Variants in NINL observed in about 807,000 individuals in gnomAD.
NINL encodes the protein ninein like.
In NINL, 153 loss-of-function variants were observed where a neutral mutation model predicts 160.3. That is an observed-to-expected ratio of 0.95 (90% CI 0.84 to 1.09). The LOEUF (loss-of-function observed/expected upper bound fraction) is 1.09, where lower values mean the gene tolerates loss of function less well. Among genes scored for constraint, NINL ranks in the 50% least tolerant of loss-of-function variants. NINL has a pLI of 0.00. For missense variants in NINL, 1,829 were observed against 1,764.0 expected (o/e 1.04, Z -0.66); for synonymous variants, 800 against 734.8 (o/e 1.09, Z -1.43).
intron 1 of NINL, among the ~76,000 whole-genome samples, chr20:25,537,595 C>T (rs920808985): frequency 3.9e-5 from 6 of 152,166 alleles, no homozygotes; most frequent in South Asian, 2.1e-4. Flanking sequence ...CTGAATTTCA[C>T]GGATGCAGCG....
intron 10 of NINL, among the ~76,000 whole-genome samples, chr20:25,496,394 G>A (rs1486502242): frequency 6.6e-6 from 1 of 152,218 alleles, no homozygotes; most frequent in Non-Finnish European, 1.5e-5. Flanking sequence ...TGTGAGAAGA[G>A]CCCAGCAAAG....
Position 25,453,412 on chromosome 20 carries a change from A to G in NINL, c.*39T>C. The stretch of plus-strand genomic sequence containing the variant: ...AGGCAGCACAGTGGCTTAATTTAAA[A>G]GATGTGCTTTCGAATGAATCCTAGA... On this transcript the variant is annotated 3_prime_UTR_variant, in exon 24 of 24. Coordinates refer to ENST00000278886, the MANE Select transcript of NINL (RefSeq NM_025176.6). The G allele has an allele frequency of 1.3e-6, 2 of 1,542,118 alleles. No individual in the cohort carries two copies. The highest frequency in any genetic ancestry group is 2.3e-5 in the East Asian group (1 of 44,006).
chr20:25,459,391 C>T (rs1396651327), intron 21 of NINL, among the ~76,000 whole-genome samples: 1 of 152,210 alleles, frequency 6.6e-6, no homozygotes, highest in African/African-American at 2.4e-5. Context: ...AAAGCTCACC[C>T]TTCTTCAGGA....
intron 11 of NINL, among the ~76,000 whole-genome samples, chr20:25,490,325 C>T (rs1327643189): frequency 6.6e-6 from 1 of 152,168 alleles, no homozygotes; most frequent in Non-Finnish European, 1.5e-5. Flanking sequence ...CTTTGGGAGG[C>T]CGAGGCGGGC....
At chr20:25,489,485 G>A (rs1162291871) in intron 12 of NINL, among the ~76,000 whole-genome samples, 161 bp from the exon 13 acceptor site, 3 of 151,188 alleles carry the variant, frequency 2.0e-5, no homozygotes, top group South Asian at 2.1e-4. Flanking sequence ...TTACTCCCCC[G>A]TCTAGAAGGT....
intron 3 of NINL, 93 bp from the exon 4 acceptor site, chr20:25,513,099 A>G (rs2064103900): frequency 1.6e-6 from 2 of 1,282,486 alleles, no homozygotes; most frequent in Non-Finnish European, 2.2e-6. Context: ...GTGCACACTC[A>G]GCACCGAGTG....
intron 13 of NINL, among the ~76,000 whole-genome samples, chr20:25,487,427 A>T (rs1391608500): frequency 6.6e-6 from 1 of 152,044 alleles, no homozygotes; most frequent in East Asian, 1.9e-4. Flanking sequence ...CTTCCATGTT[A>T]TTTTCAAGCC....
In NINL at chr20:25,500,946, A is replaced by C; in HGVS notation, c.926T>G (p.Leu309Arg). ...ATCGTCAATGCTGGAGAAGAGGCGC[A>C]GGCTGGAGCACAGGGACACGAGGGA... ...TSSLVSLCSS[L>R]RLFSSIDDGS... Residue 309 changes from leucine to arginine, a missense_variant, in exon 8 of 24, where the codon CTG becomes CGG. By Grantham distance (102) the Leu-to-Arg change is moderately radical. Coordinates refer to ENST00000278886, the MANE Select transcript of NINL (RefSeq NM_025176.6). 6.2e-7 allele frequency: 1 copy of C among 1,614,214 alleles called. No homozygotes were observed. Among genetic ancestry groups the C allele is most frequent in the Non-Finnish European group, 8.5e-7 (1 of 1,180,038 alleles).
intron 2 of NINL, among the ~76,000 whole-genome samples, chr20:25,520,280 G>A (rs1160335197): frequency 6.6e-6 from 1 of 152,064 alleles, no homozygotes; most frequent in African/African-American, 2.4e-5. Context: ...TCAACAGAAG[G>A]GCTATTAGGC....
At chr20:25,494,253 C>T (rs2063702424) in intron 10 of NINL, among the ~76,000 whole-genome samples, 1 of 151,406 alleles carries the variant, frequency 6.6e-6, no homozygotes, top group Non-Finnish European at 1.5e-5. Context: ...ACAGCACTTT[C>T]CACTGCACCC....
intron 20 of NINL, 31 bp from the exon 21 acceptor site, chr20:25,461,666 A>G (rs368670801): frequency 1.1e-4 from 159 of 1,400,770 alleles, no homozygotes; most frequent in Non-Finnish European, 1.5e-4. Context: ...GCACAAGTCA[A>G]GAAGTATCTG....
At chr20:25,556,264 A>T (rs2064865448) in intron 1 of NINL, among the ~76,000 whole-genome samples, 6 of 152,162 alleles carry the variant, frequency 3.9e-5, no homozygotes, top group African/African-American at 1.4e-4. Context: ...AGCCTGGGTG[A>T]CAGAGCAAGA....
chr20:25,482,788 C>T (rs1302461704), intron 13 of NINL, among the ~76,000 whole-genome samples: 1 of 151,982 alleles, frequency 6.6e-6, no homozygotes, highest in East Asian at 2.0e-4. Flanking sequence ...TTCTGGGAGG[C>T]CCAGATGAGC....
rs758731422 is a variant in NINL, at chr20:25,526,487, TG to T, written c.100del (p.Gln34SerfsTer70). On this transcript the variant is annotated frameshift_variant, in exon 2 of 24. Coordinates refer to ENST00000278886, the MANE Select transcript of NINL (RefSeq NM_025176.6). LOFTEE classifies it high-confidence loss of function. ...TGFLDRQELTQLCLKLHLEQQ... is the reference protein window; with the variant it reads ...TGFLDRQELTXLCLKLHLEQQ... ...CTCCAGGTGAAGCTTAAGGCAGAGC[TG>T]GGTCAGCTCCTGGCGGTCCAGAAAG... The T allele has an allele frequency of 1.0e-4, 169 of 1,614,218 alleles. 1 individual carries two copies. The African/African-American group carries it at 1.7e-3, about 16-fold the overall frequency.
At chr20:25,563,747 G>A (rs1427852118) in intron 1 of NINL, among the ~76,000 whole-genome samples, 1 of 152,096 alleles carries the variant, frequency 6.6e-6, no homozygotes, top group Non-Finnish European at 1.5e-5. Context: ...AAAAGAGAGA[G>A]ACTATGGAGT....
At chr20:25,489,734 G>T in intron 12 of NINL, 141 bp downstream of exon 12, 1 of 681,132 alleles carries the variant, frequency 1.5e-6, no homozygotes, top group Non-Finnish European at 2.6e-6. Context: ...AAGGCCTCAT[G>T]CTGACTTTCT....
At chr20:25,550,919 C>T (rs979288019) in intron 1 of NINL, among the ~76,000 whole-genome samples, 5 of 152,140 alleles carry the variant, frequency 3.3e-5, no homozygotes, top group African/African-American at 7.2e-5. Flanking sequence ...TTACAGGTGT[C>T]GGGCTGGGGG....
intron 1 of NINL, among the ~76,000 whole-genome samples, chr20:25,569,735 C>T (rs74570990): frequency 0.088 from 13,325 of 152,132 alleles, 966 homozygotes; most frequent in African/African-American, 0.2. Flanking sequence ...AGCACGGAGG[C>T]GGAGGAAGCA....
At chr20:25,480,294 G>C (rs1281301475) in intron 14 of NINL, 27 bp from the exon 15 acceptor site, 1 of 1,593,800 alleles carries the variant, frequency 6.3e-7, no homozygotes, top group Non-Finnish European at 8.6e-7. Flanking sequence ...ACTTCCGTTT[G>C]TCACACTGAG....
Sources: allele counts gnomAD v4.1 joint callset (sites outside exome capture counted in the v4.1 genomes callset), GRCh38; gene constraint gnomAD v4.1.1; transcripts MANE v1.5; gene names NCBI Gene and HGNC (gene_info 2026-07-23, HGNC 2026-07-21).